Variants in TRERF1 observed in about 807,000 individuals in gnomAD.
TRERF1 encodes transcriptional-regulating factor 1.
TRERF1 carries 27 observed loss-of-function variants against 122.9 expected under a neutral mutation model. The observed-to-expected ratio is 0.22, with a 90% CI of 0.16 to 0.30. The LOEUF (loss-of-function observed/expected upper bound fraction) is 0.30, where lower values mean the gene tolerates loss of function less well. Among genes scored for constraint, TRERF1 ranks in the 10% least tolerant of loss-of-function variants. The probability of loss-of-function intolerance (pLI) is 1.00; values close to 1 mark genes in which losing one functional copy is unlikely to be tolerated. For synonymous variants in TRERF1, 636 were observed against 641.7 expected (o/e 0.99, Z 0.13); for missense variants, 1,248 against 1,560.3 (o/e 0.80, Z 3.37).
At chr6:42,431,059 C>CA (rs535412294) in intron 2 of TRERF1, among the ~76,000 whole-genome samples, 261 of 68,302 alleles carry the variant, frequency 3.8e-3, no homozygotes, top group Middle Eastern at 8.5e-3. Flanking sequence ...GACTCAGTCT[C>CA]AAAAAAAAAA....
chr6:42,298,542 C>A (rs577747927), intron 4 of TRERF1, among the ~76,000 whole-genome samples: 1 of 150,568 alleles, frequency 6.6e-6, no homozygotes, highest in East Asian at 2.0e-4. Context: ...TGGTGGCTCA[C>A]GCCTGTAATG....
intron 8 of TRERF1, among the ~76,000 whole-genome samples, chr6:42,261,381 C>T (rs1352783910): frequency 6.6e-6 from 1 of 152,162 alleles, no homozygotes; most frequent in Non-Finnish European, 1.5e-5. Context: ...TCCGATCCTC[C>T]AGGCAAGGCT....
chr6:42,417,766 G>A (rs891067159), intron 2 of TRERF1, among the ~76,000 whole-genome samples: 2 of 152,164 alleles, frequency 1.3e-5, no homozygotes, highest in Non-Finnish European at 2.9e-5. Context: ...TGGGCTCCAG[G>A]GAGTAACAGG....
chr6:42,302,775 G>A (rs923557145), intron 3 of TRERF1, among the ~76,000 whole-genome samples: 2 of 152,204 alleles, frequency 1.3e-5, no homozygotes, highest in Non-Finnish European at 2.9e-5. Context: ...AGCATGGCAC[G>A]GGTGGGAAGC....
chr6:42,272,369 G>C (rs761824276), intron 4 of TRERF1, among the ~76,000 whole-genome samples: 1 of 152,136 alleles, frequency 6.6e-6, no homozygotes, highest in African/African-American at 2.4e-5. Context: ...GAAGGGGAGG[G>C]TGGCCAAGGA....
chr6:42,392,318 T>C (rs377375615), intron 2 of TRERF1, among the ~76,000 whole-genome samples: 98 of 152,318 alleles, frequency 6.4e-4, no homozygotes, highest in African/African-American at 2.1e-3. Context: ...TCCTTATTTA[T>C]AAAATGAGGA....
At chr6:42,445,361 C>CACACAG (rs1787311043) in intron 2 of TRERF1, among the ~76,000 whole-genome samples, 1 of 58,628 alleles carries the variant, frequency 1.7e-5, no homozygotes, top group African/African-American at 4.7e-5. Context: ...CAGACACACA[C>CACACAG]ACACACACAC....
At chr6:42,364,556 G>A (rs192345543) in intron 2 of TRERF1, among the ~76,000 whole-genome samples, 7 of 152,332 alleles carry the variant, frequency 4.6e-5, no homozygotes, top group Admixed American at 4.6e-4. Context: ...AGAAAAGAGA[G>A]TTGCAAGAAG....
intron 15 of TRERF1, among the ~76,000 whole-genome samples, chr6:42,238,871 A>ACACAC (rs1554124321): frequency 2.5e-5 from 3 of 117,894 alleles, no homozygotes; most frequent in South Asian, 2.3e-4. Flanking sequence ...ACACACACAC[A>ACACAC]ATTTCTAGTT....
chr6:42,323,491 C>G (rs1281401579), intron 3 of TRERF1, among the ~76,000 whole-genome samples: 1 of 152,166 alleles, frequency 6.6e-6, no homozygotes, highest in East Asian at 1.9e-4. Context: ...GCCACCGCGC[C>G]TGGCCTCCCC....
At chr6:42,334,161 T>C (rs975450019) in intron 3 of TRERF1, among the ~76,000 whole-genome samples, 1 of 151,832 alleles carries the variant, frequency 6.6e-6, no homozygotes, top group Non-Finnish European at 1.5e-5. Flanking sequence ...AATCTAAAAA[T>C]AAAACAAAGA....
intron 2 of TRERF1, among the ~76,000 whole-genome samples, chr6:42,443,907 C>T (rs369548416): frequency 6.6e-6 from 1 of 152,300 alleles, no homozygotes. Context: ...TGCCTCTTAC[C>T]GTTGACATCG....
intron 3 of TRERF1, among the ~76,000 whole-genome samples, chr6:42,306,024 C>T (rs1406768583): frequency 3.4e-5 from 2 of 59,506 alleles, no homozygotes; most frequent in African/African-American, 1.1e-4. Context: ...TTTTTTGAGA[C>T]AGAGTCTTAC....
chr6:42,268,963 G>T lies in TRERF1; in HGVS notation c.628C>A (p.Pro210Thr). 1 of 1,612,072 alleles carries T rather than the reference G, an allele frequency of 6.2e-7. No individual in the cohort carries two copies. Among genetic ancestry groups the T allele is most frequent in the Non-Finnish European group, 8.5e-7 (1 of 1,178,508 alleles). The change falls in exon 5 of 18, where the codon CCT (proline) becomes ACT (threonine). Residue 210 changes from proline (P) to threonine (T), a missense_variant. This residue lies in a region of TRERF1 where 946 missense variants were observed against 1,073.0 expected (regional missense o/e 0.88). Coordinates refer to ENST00000372922, the Ensembl canonical transcript of TRERF1. This position sits in a 1 kb window ranked among gnomAD's most constrained non-coding sequence, Gnocchi z 4.4. ...TTGGACAGCCCACCAGTGAAACCAG[G>T]GTGAGGCTGCTGGGGCACCTGCTGG...
intron 2 of TRERF1, among the ~76,000 whole-genome samples, chr6:42,395,618 G>T (rs954977485): frequency 3.3e-5 from 5 of 152,056 alleles, no homozygotes; most frequent in Non-Finnish European, 7.4e-5. Context: ...ACTAGCTAAT[G>T]AAAACTCTCC....
In TRERF1 at chr6:42,239,862, G is replaced by GTT. The variant is rs147880819; in HGVS notation, c.2859+3384_2859+3385dup. On this transcript the variant is annotated intron_variant, in intron 15 of 17. Coordinates refer to ENST00000372922, the Ensembl canonical transcript of TRERF1. ...ATTGGCCTTTAATCAAGATTTTCTT[G>GTT]TTTTTTTTTTGTGGGCCTGAGTCAT... is the stretch of plus-strand genomic sequence containing the variant. Among the ~76,000 whole-genome samples, 377 of 148,604 alleles carry GTT rather than the reference G, an allele frequency of 2.5e-3. 1 individual carries two copies. The highest frequency in any genetic ancestry group is 8.9e-3 in the African/African-American group (363 of 40,692).
intron 3 of TRERF1, among the ~76,000 whole-genome samples, chr6:42,311,616 A>C (rs4714597): frequency 0.74 from 111,440 of 151,556 alleles, 41,121 homozygotes; most frequent in East Asian, 0.84. Flanking sequence ...TACAAAAAAA[A>C]TTAGCCGGGC....
intron 4 of TRERF1, among the ~76,000 whole-genome samples, chr6:42,293,379 C>T (rs982897364): frequency 6.6e-6 from 1 of 152,168 alleles, no homozygotes; most frequent in African/African-American, 2.4e-5. Flanking sequence ...GAACCAAAGG[C>T]GCCCGGTCCC....
At chr6:42,297,390 C>T (rs1445009165) in intron 4 of TRERF1, among the ~76,000 whole-genome samples, 1 of 152,190 alleles carries the variant, frequency 6.6e-6, no homozygotes, top group African/African-American at 2.4e-5. Flanking sequence ...CTGGCTTTTG[C>T]CCTGAGGGTT....
Sources: allele counts gnomAD v4.1 joint callset (sites outside exome capture counted in the v4.1 genomes callset), GRCh38; gene constraint gnomAD v4.1.1; regional missense constraint gnomAD v4.1.1; non-coding constraint Gnocchi (gnomAD v3.1); transcripts MANE v1.5; gene names NCBI Gene and HGNC (gene_info 2026-07-23, HGNC 2026-07-21).